CGNL1: variants seen among roughly 807,000 people sequenced by gnomAD.
CGNL1 encodes the protein cingulin like 1.
CGNL1 carries 132 observed loss-of-function variants against 141.2 expected under a neutral mutation model. That is an observed-to-expected ratio of 0.93 (90% CI 0.81 to 1.08). The LOEUF is 1.08. Ranked by LOEUF, CGNL1 falls within the 50% of genes least tolerant of loss-of-function variation. The probability of loss-of-function intolerance (pLI) is 0.00; values close to 1 mark genes in which losing one functional copy is unlikely to be tolerated. For missense variants in CGNL1, 1,870 were observed against 1,588.6 expected (o/e 1.18, Z -3.01); for synonymous variants, 690 against 622.1 (o/e 1.11, Z -1.63).
intron 8 of CGNL1, among the ~76,000 whole-genome samples, chr15:57,514,303 C>T (rs903748745): frequency 5.3e-5 from 8 of 152,000 alleles, no homozygotes; most frequent in Middle Eastern, 3.2e-3. Context: ...AGGTGTGCAC[C>T]ACCACACCTG....
At chr15:57,466,993 A>G (rs1051451726) in intron 8 of CGNL1, among the ~76,000 whole-genome samples, 5 of 152,172 alleles carry the variant, frequency 3.3e-5, no homozygotes, top group African/African-American at 9.7e-5. Context: ...AAGGGAATGG[A>G]TGAGGGAGAA....
chr15:57,481,761 T>C lies in CGNL1; in HGVS notation c.2403+19869T>C, dbSNP rs182487237. Among the ~76,000 whole-genome samples, 141 of 152,324 alleles carry C rather than the reference T, an allele frequency of 9.3e-4. 1 individual carries two copies. In the South Asian group the frequency reaches 9.5e-3, roughly 10 times the overall value. On this transcript the variant is annotated intron_variant, in intron 8 of 18. Transcript: ENST00000281282. ...AGGAGTGTGAATGTGATTTAATTTTTTTCTGAGATAAATATCTAGGAGTGC... is the reference window on the plus strand; with the variant it reads ...AGGAGTGTGAATGTGATTTAATTTTCTTCTGAGATAAATATCTAGGAGTGC...
intron 1 of CGNL1, among the ~76,000 whole-genome samples, chr15:57,420,012 A>G (rs988316547): frequency 5.3e-5 from 8 of 152,148 alleles, no homozygotes; most frequent in African/African-American, 1.2e-4. Flanking sequence ...ATCCAACACT[A>G]TTTTTTGGGC....
intron 1 of CGNL1, among the ~76,000 whole-genome samples, chr15:57,386,121 T>G (rs190013514): frequency 6.4e-4 from 98 of 152,374 alleles, no homozygotes; most frequent in Admixed American, 2.4e-3. Context: ...CCATTAAACA[T>G]GACTTAACTT....
intron 8 of CGNL1, among the ~76,000 whole-genome samples, chr15:57,487,029 C>T (rs1179223276): frequency 6.6e-6 from 1 of 152,170 alleles, no homozygotes; most frequent in Non-Finnish European, 1.5e-5. Context: ...CAGCCCAGTT[C>T]AACTATTTCC....
intron 4 of CGNL1, among the ~76,000 whole-genome samples, chr15:57,448,167 A>G (rs1471018035): frequency 6.6e-6 from 1 of 152,090 alleles, no homozygotes; most frequent in Non-Finnish European, 1.5e-5. Flanking sequence ...AAAAATTGCC[A>G]GGCATGGTGG....
chr15:57,496,847 T>C (rs1466931444), intron 8 of CGNL1, among the ~76,000 whole-genome samples: 4 of 152,098 alleles, frequency 2.6e-5, no homozygotes, highest in African/African-American at 9.7e-5. Context: ...AATGAGCCCA[T>C]ACATTCAAGA....
intron 1 of CGNL1, among the ~76,000 whole-genome samples, chr15:57,385,503 A>C (rs1032107683): frequency 5.9e-5 from 9 of 152,192 alleles, no homozygotes; most frequent in Non-Finnish European, 1.2e-4. Flanking sequence ...AGAGAAAAAT[A>C]AAGTAGTTTC....
chr15:57,536,978 C>G (rs555356331), intron 14 of CGNL1, among the ~76,000 whole-genome samples: 2 of 152,328 alleles, frequency 1.3e-5, no homozygotes, highest in Non-Finnish European at 2.9e-5. Context: ...TTAAGTTCAG[C>G]TGATCCTCTC....
chr15:57,481,054 A>G (rs1199325728), intron 8 of CGNL1, among the ~76,000 whole-genome samples: 2 of 140,924 alleles, frequency 1.4e-5, no homozygotes, highest in East Asian at 4.1e-4. Context: ...TGATCCAGGA[A>G]AGACCTGGGG....
intron 1 of CGNL1, among the ~76,000 whole-genome samples, chr15:57,414,261 A>G (rs1313800744): frequency 6.6e-6 from 1 of 152,190 alleles, no homozygotes. Flanking sequence ...GAGGCTCCGA[A>G]GAAGGCAGAC....
chr15:57,377,124 C>T (rs1432932706), intron 1 of CGNL1: 2 of 152,220 alleles, frequency 1.3e-5, no homozygotes, highest in African/African-American at 2.4e-5. Flanking sequence ...TAGCTCTCCC[C>T]GGGACTTTTC....
intron 8 of CGNL1, among the ~76,000 whole-genome samples, chr15:57,491,300 AC>A (rs749624962): frequency 1.3e-5 from 2 of 152,044 alleles, no homozygotes; most frequent in Non-Finnish European, 2.9e-5. Flanking sequence ...GTTTAGAAAA[AC>A]CTACCTGGGG....
rs568615118 is a variant in CGNL1 at position 57,470,985 on chromosome 15, G to A, written c.2403+9093G>A. ...AGAACCTCTCTAGGAGCTTTGGGAC[G>A]TTGGTGTACCTCGAACTTGCTGACT... is the stretch of plus-strand genomic sequence containing the variant. On this transcript the variant is annotated intron_variant, in intron 8 of 18. Transcript: ENST00000281282. 1.1e-4 allele frequency among the ~76,000 whole-genome samples: 16 copies of A among 152,316 alleles called. No individual in the cohort carries two copies. In the South Asian group the frequency reaches 2.3e-3, roughly 22 times the overall value.
chr15:57,398,840 GC>G (rs1209463364), intron 1 of CGNL1, among the ~76,000 whole-genome samples: 3 of 152,070 alleles, frequency 2.0e-5, no homozygotes, highest in Non-Finnish European at 4.4e-5. Context: ...AACAAAAATT[GC>G]CCCAAAGTTT....
intron 1 of CGNL1, among the ~76,000 whole-genome samples, chr15:57,393,549 G>T (rs2062566143): frequency 6.6e-6 from 1 of 152,164 alleles, no homozygotes; most frequent in Non-Finnish European, 1.5e-5. Flanking sequence ...TGGGTTCTTG[G>T]AAATACTTGG....
At chr15:57,518,238 G>A (rs570222223) in intron 9 of CGNL1, among the ~76,000 whole-genome samples, 155 bp from the exon 10 acceptor site, 1 of 152,184 alleles carries the variant, frequency 6.6e-6, no homozygotes, top group Admixed American at 6.5e-5. Flanking sequence ...CAAGAACACG[G>A]CTGTTGTGTG....
chr15:57,383,289 T>A (rs2062443540), intron 1 of CGNL1, among the ~76,000 whole-genome samples: 1 of 135,744 alleles, frequency 7.4e-6, no homozygotes, highest in African/African-American at 2.9e-5. Flanking sequence ...GATTTCTTTC[T>A]TCCTTTTTTT....
rs116375028 is a variant in CGNL1, at chr15:57,545,012, G to A, written c.3500+415G>A. ...GCAGAGGCTGACTAGCCACCAGTCA[G>A]AGATGGGGCAGGTCCTCCCGCAGTG... On this transcript the variant is annotated intron_variant, in intron 16 of 18. Coordinates refer to ENST00000281282, the MANE Select transcript of CGNL1 (RefSeq NM_032866.5). Among the ~76,000 whole-genome samples, 655 of 152,326 alleles carry A rather than the reference G, an allele frequency of 4.3e-3. 8 individuals are homozygous for A. Among genetic ancestry groups the A allele is most frequent in the African/African-American group, 0.015 (616 of 41,580 alleles).
Sources: allele counts gnomAD v4.1 joint callset (sites outside exome capture counted in the v4.1 genomes callset), GRCh38; gene constraint gnomAD v4.1.1; transcripts MANE v1.5; gene names NCBI Gene and HGNC (gene_info 2026-07-23, HGNC 2026-07-21).